Variants in FXYD5 observed in about 807,000 individuals in gnomAD.
FXYD5 encodes FXYD domain containing ion transport regulator 5.
Under a neutral mutation model 25.7 loss-of-function variants are expected in FXYD5, and 21 were observed. That is an observed-to-expected ratio of 0.82 (90% CI 0.58 to 1.18). The LOEUF (loss-of-function observed/expected upper bound fraction) is 1.18. FXYD5 is among the 50% of genes most tolerant of loss of function. The probability of loss-of-function intolerance (pLI) is 0.00; values close to 1 mark genes in which losing one functional copy is unlikely to be tolerated. For synonymous variants in FXYD5, 101 were observed against 90.7 expected, an observed-to-expected ratio of 1.11 and a Z score of -0.64; for missense variants, 229 against 227.7, an observed-to-expected ratio of 1.01 and a Z score of -0.04.
At chr19:35,159,164 A>G (rs2065383335) in intron 4 of FXYD5, among the ~76,000 whole-genome samples, 1 of 151,728 alleles carries the variant, frequency 6.6e-6, no homozygotes, top group Non-Finnish European at 1.5e-5. Context: ...TTTTCAATCG[A>G]TGTTTAAAGA....
In FXYD5 at chr19:35,160,768, A is replaced by G; in HGVS notation, c.259A>G (p.Thr87Ala). 6.2e-7 allele frequency: 1 copy of G among 1,613,568 alleles called. No homozygotes were observed. The highest frequency in any genetic ancestry group is 8.5e-7 in the Non-Finnish European group (1 of 1,179,496). The change falls in exon 5 of 9, where the codon ACA becomes GCA. Residue 87 changes from threonine to alanine, a missense_variant. Thr to Ala is a moderately conservative substitution (Grantham distance 58). Transcript: ENST00000392219. ...QLEGTDGPLV[T>A]DPETHKSTKA... is the part of the protein sequence containing the mutation. Reference sequence around the variant, plus strand: ...GGAAGGAACGGATGGGCCTCTAGTGACAGATCCAGAGACACACAAGAGCAC... The same window carrying G: ...GGAAGGAACGGATGGGCCTCTAGTGGCAGATCCAGAGACACACAAGAGCAC...
intron 8 of FXYD5, among the ~76,000 whole-genome samples, chr19:35,167,001 C>A (rs2065456692): frequency 6.6e-6 from 1 of 152,156 alleles, no homozygotes; most frequent in Non-Finnish European, 1.5e-5. Context: ...GATTAAATGC[C>A]TCATGGAACA....
chr19:35,164,451 C>G (rs537717288), intron 6 of FXYD5, among the ~76,000 whole-genome samples: 20 of 152,210 alleles, frequency 1.3e-4, no homozygotes, highest in Non-Finnish European at 2.2e-4. Flanking sequence ...TACAAACCAC[C>G]TAAAAACTCA....
At chr19:35,166,036 T>C (rs1197644158) in intron 6 of FXYD5, 106 bp from the exon 7 acceptor site, 3 of 1,038,560 alleles carry the variant, frequency 2.9e-6, no homozygotes, top group Non-Finnish European at 4.6e-6. Flanking sequence ...ATTTTGGGTT[T>C]TGTTCTAAGG....
chr19:35,166,955 G>C (rs1286412807), intron 8 of FXYD5, among the ~76,000 whole-genome samples: 1 of 152,114 alleles, frequency 6.6e-6, no homozygotes, highest in African/African-American at 2.4e-5. Flanking sequence ...AGGGAACAAG[G>C]GCTGAAAAAG....
rs374136501 is a variant in FXYD5 at position 35,169,644 on chromosome 19, G to T, written c.*29G>T. The T allele has an allele frequency of 1.6e-5, 24 of 1,497,574 alleles. No individual in the cohort carries two copies. In the African/African-American group the frequency reaches 2.2e-4, roughly 14 times the overall value. 92.8% of individuals were successfully genotyped at this position (1,497,574 alleles called of 1,614,324 possible). A position where few individuals can be genotyped will look rare whatever the true frequency, so the allele number is the denominator to read the frequency against. ...CATCAGAAACAGGAGCTGACAACCT[G>T]CTGGGCACCCGAAGACCAAGCCCCC... On this transcript the variant is annotated 3_prime_UTR_variant, in exon 9 of 9. Transcript: ENST00000392219.
rs760717086 is a variant in FXYD5, at chr19:35,160,836, TTTTG to T, written c.292+39_292+42del. ...GGGACTGAGAGCAGCAGCCTACGAT[TTTTG>T]TTTAATTCTCTATCTAGGTCAACAT... is the stretch of plus-strand genomic sequence containing the variant. On this transcript the variant is annotated intron_variant, in intron 5 of 8. Coordinates refer to ENST00000392219, the MANE Select transcript of FXYD5 (RefSeq NM_014164.6). The T allele has an allele frequency of 1.3e-5, 17 of 1,348,234 alleles. No homozygotes were observed. In the East Asian group the frequency reaches 3.7e-4, roughly 29 times the overall value. The allele number at this position is 1,348,234 out of a possible 1,614,324, so 83.5% of individuals were successfully genotyped here. A position where few individuals can be genotyped will look rare whatever the true frequency, so the allele number is the denominator to read the frequency against.
chr19:35,168,878 C>T (rs1159906995), intron 8 of FXYD5, among the ~76,000 whole-genome samples: 1 of 152,082 alleles, frequency 6.6e-6, no homozygotes, highest in East Asian at 1.9e-4. Flanking sequence ...GCTTGGCCAA[C>T]ATGGTGAAAC....
In FXYD5 at chr19:35,160,800, A is replaced by T; in HGVS notation, c.291A>T (p.Ala97=). 2 of 1,600,232 alleles carry T rather than the reference A, an allele frequency of 1.2e-6. No individual in the cohort carries two copies. Among genetic ancestry groups the T allele is most frequent in the Non-Finnish European group, 1.7e-6 (2 of 1,167,284 alleles). The change falls in exon 5 of 9, where the codon GCA becomes GCT. Residue 97 remains alanine, a splice_region_variant and synonymous_variant. Transcript: ENST00000392219. ...TDPETHKSTK[A]AHPTDDTTTL... ...CAGAGACACACAAGAGCACCAAAGC[A>T]GGTATAGCATGGGACTGAGAGCAGC...
In FXYD5 at chr19:35,160,733, C is replaced by T. The variant is rs2065397296; in HGVS notation, c.224C>T (p.Thr75Ile). The stretch of plus-strand genomic sequence containing the variant: ...GAAACACCACAACCCCAGACCCAGA[C>T]CCAGCAACTGGAAGGAACGGATGGG... ...ADETPQPQTQ[T>I]QQLEGTDGPL... is the part of the protein sequence containing the mutation. The change falls in exon 5 of 9, where the codon ACC becomes ATC. Residue 75 changes from threonine to isoleucine, a missense_variant. Coordinates refer to ENST00000392219, the MANE Select transcript of FXYD5 (RefSeq NM_014164.6). 1 of 1,613,510 alleles carries T rather than the reference C, an allele frequency of 6.2e-7. No individual in the cohort carries two copies. The highest frequency in any genetic ancestry group is 1.3e-5 in the African/African-American group (1 of 74,996).
chr19:35,166,257 A>T lies in FXYD5; in HGVS notation c.419A>T (p.His140Leu). 6.2e-7 allele frequency: 1 copy of T among 1,612,692 alleles called. No individual in the cohort carries two copies. The highest frequency in any genetic ancestry group is 8.5e-7 in the Non-Finnish European group (1 of 1,178,892). ...HEDDPFFYDEHTLRKRGLLVA... is the reference protein window; with the variant it reads ...HEDDPFFYDELTLRKRGLLVA... ...TTCATTTTTCTCTCTGCAGATGAAC[A>T]CACCCTCCGGAAACGGGGGCTGTTG... The change falls in exon 8 of 9, where the codon CAC becomes CTC. Residue 140 changes from histidine to leucine, a missense_variant. Physicochemically the swap from His to Leu is moderately conservative, Grantham distance 99. Transcript: ENST00000392219.
chr19:35,164,568 C>A (rs908860938), intron 6 of FXYD5, among the ~76,000 whole-genome samples: 1 of 152,148 alleles, frequency 6.6e-6, no homozygotes, highest in African/African-American at 2.4e-5. Context: ...CTTACTCATG[C>A]GTCTGAGGTC....
At chr19:35,158,278 A>G in intron 3 of FXYD5, 66 bp from the exon 4 acceptor site, 2 of 1,006,890 alleles carry the variant, frequency 2.0e-6, no homozygotes, top group Non-Finnish European at 3.2e-6. Context: ...ATCTCCACCC[A>G]TAGACCTTGC....
Position 35,169,719 on chromosome 19 carries a change from A to G in FXYD5, c.*104A>G. On this transcript the variant is annotated 3_prime_UTR_variant, in exon 9 of 9. Transcript: ENST00000392219. ...CTGCATCCCCTCGAAGAGCCTGGCC[A>G]GAGAGGGAAGACACAGATGATGAAG... 1.3e-6 allele frequency: 1 copy of G among 759,168 alleles called. No homozygotes were observed. The highest frequency in any genetic ancestry group is 2.3e-6 in the Non-Finnish European group (1 of 428,500). 47.0% of individuals were successfully genotyped at this position (759,168 alleles called of 1,614,324 possible). A position where few individuals can be genotyped will look rare whatever the true frequency, so the allele number is the denominator to read the frequency against.
chr19:35,161,115 G>C (rs1327871086), intron 5 of FXYD5, among the ~76,000 whole-genome samples: 1 of 151,980 alleles, frequency 6.6e-6, no homozygotes, highest in Non-Finnish European at 1.5e-5. Context: ...AGTTCCCCTC[G>C]GAGGGCTGGG....
intron 4 of FXYD5, chr19:35,159,447 T>C: frequency 6.5e-7 from 1 of 1,534,402 alleles, no homozygotes; most frequent in South Asian, 1.2e-5. Context: ...AGTCGTATGT[T>C]TGGAAGTTCT....
At chr19:35,166,440 C>T (rs781014916) in intron 8 of FXYD5, 115 bp downstream of exon 8, 1 of 677,050 alleles carries the variant, frequency 1.5e-6, no homozygotes, top group Admixed American at 2.5e-5. Flanking sequence ...TATCTATTAG[C>T]TGCATATACA....
intron 1 of FXYD5, chr19:35,155,147 C>T (rs768965758): frequency 8.8e-5 from 19 of 214,922 alleles, no homozygotes; most frequent in Non-Finnish European, 1.7e-4. Flanking sequence ...GACTCCCGGG[C>T]TCTGGGCCCC....
At chr19:35,165,964 G>T (rs980962317) in intron 6 of FXYD5, among the ~76,000 whole-genome samples, 178 bp from the exon 7 acceptor site, 1 of 152,160 alleles carries the variant, frequency 6.6e-6, no homozygotes, top group Non-Finnish European at 1.5e-5. Flanking sequence ...AGGGAGTGAG[G>T]GGGATAGGAA....
Sources: gnomAD v4.1 joint callset for allele counts (sites outside exome capture counted in the v4.1 genomes callset) on GRCh38, gnomAD v4.1.1 for gene constraint, MANE v1.5 for transcripts, NCBI Gene and HGNC (gene_info 2026-07-23, HGNC 2026-07-21) for gene names.